Variants in CYRIB observed in about 807,000 individuals in gnomAD.
CYRIB encodes the protein CYFIP-related Rac1 interactor B.
A neutral mutation model predicts 44.2 loss-of-function variants in CYRIB; 8 were observed. The ratio of observed to expected loss-of-function variants is 0.18; its 90% CI spans 0.11 to 0.33. The LOEUF (loss-of-function observed/expected upper bound fraction) is 0.33, where lower values mean the gene tolerates loss of function less well. Among genes scored for constraint, CYRIB ranks in the 10% least tolerant of loss-of-function variants. The pLI is 1.00. For synonymous variants in CYRIB, 131 were observed against 127.2 expected, an observed-to-expected ratio of 1.03 and a Z score of -0.20; for missense variants, 185 against 382.8, an observed-to-expected ratio of 0.48 and a Z score of 4.31.
chr8:129,957,210 C>G (rs773113281), intron 2 of CYRIB, among the ~76,000 whole-genome samples: 39 of 152,148 alleles, frequency 2.6e-4, no homozygotes, highest in Non-Finnish European at 4.9e-4. Context: ...CTATTTTCTT[C>G]TACTTCATAC....
chr8:129,994,175 C>G (rs1238310935), intron 1 of CYRIB, among the ~76,000 whole-genome samples: 2 of 152,174 alleles, frequency 1.3e-5, no homozygotes, highest in East Asian at 1.9e-4. Context: ...CGTGAAGACA[C>G]ACACACACAG....
chr8:130,016,654 C>A (rs2097355496), upstream of CYRIB: 1 of 149,058 alleles, frequency 6.7e-6, no homozygotes, highest in African/African-American at 2.4e-5. Context: ...AGGACGCTCG[C>A]CTCGCGACGC....
chr8:129,970,587 A>G (rs2095654573), intron 2 of CYRIB: 2 of 152,104 alleles, frequency 1.3e-5, no homozygotes, highest in Admixed American at 1.3e-4. Context: ...GGATTTCACC[A>G]TGTTGGCCAG....
At chr8:129,990,809 C>T (rs114283538) in intron 1 of CYRIB, among the ~76,000 whole-genome samples, 1,969 of 152,160 alleles carry the variant, frequency 0.013, 49 homozygotes, top group African/African-American at 0.045. Flanking sequence ...GAGTTGCAAG[C>T]CACTGTGCCC....
chr8:129,981,756 A>G (rs1190484900), intron 1 of CYRIB, among the ~76,000 whole-genome samples: 3 of 152,206 alleles, frequency 2.0e-5, no homozygotes, highest in Admixed American at 6.5e-5. Flanking sequence ...ACCAGGACCA[A>G]GCTTCCTGAC....
At chr8:129,917,979 A>G (rs2081586232) in intron 1 of CYRIB, among the ~76,000 whole-genome samples, 1 of 152,244 alleles carries the variant, frequency 6.6e-6, no homozygotes, top group Non-Finnish European at 1.5e-5. Context: ...CAGTGATTTA[A>G]TAACAAAAAA....
intron 2 of CYRIB, among the ~76,000 whole-genome samples, chr8:129,955,273 G>GT (rs1395179019): frequency 1.5e-5 from 2 of 132,916 alleles, no homozygotes; most frequent in African/African-American, 5.5e-5. Context: ...AAAAAAAAAA[G>GT]TATGTGCTGC....
chr8:129,928,217 T>C (rs1409446677), intron 1 of CYRIB, among the ~76,000 whole-genome samples: 1 of 150,932 alleles, frequency 6.6e-6, no homozygotes, highest in South Asian at 2.1e-4. Context: ...CACACGTCTG[T>C]AGCATCAGTT....
At chr8:129,910,482 T>A (rs1369017965) in intron 1 of CYRIB, among the ~76,000 whole-genome samples, 1 of 122,322 alleles carries the variant, frequency 8.2e-6, no homozygotes, top group African/African-American at 3.4e-5. Context: ...TTTCACTTTT[T>A]TTTTTTTTTT....
At chr8:129,944,570 T>C (rs555255494), upstream of CYRIB, among the ~76,000 whole-genome samples, 36 of 152,010 alleles carry the variant, frequency 2.4e-4, no homozygotes, top group African/African-American at 8.4e-4. Flanking sequence ...ATCACTTGAG[T>C]CCAGGAGTTC....
rs568343586 is a variant in CYRIB, at chr8:130,011,237, G to A, written c.-296+5133C>T. ...CCAGGAAGCTTTCAAGAACGCTGAG[G>A]CGGCCAGGCGTAATGGCTCATGCCT... On this transcript the variant is annotated intron_variant, in intron 1 of 14. Coordinates refer to the CYRIB transcript ENST00000401979. Among the ~76,000 whole-genome samples the A allele has an allele frequency of 2.0e-5, 3 of 152,234 alleles. No individual in the cohort carries two copies. The South Asian group carries it at 6.2e-4, about 32-fold the overall frequency.
Position 129,995,255 on chromosome 8 carries a change from G to A in CYRIB, c.-296+21115C>T, listed in dbSNP as rs551118393. Among the ~76,000 whole-genome samples the A allele has an allele frequency of 7.7e-4, 118 of 152,292 alleles. 1 individual carries two copies. The highest frequency in any genetic ancestry group is 1.5e-3 in the Non-Finnish European group (100 of 68,028). On this transcript the variant is annotated intron_variant, in intron 1 of 14. Coordinates refer to the CYRIB transcript ENST00000401979. ...AATGGACTCAGGCTCCCAGGGTGGC[G>A]GAAGTGAGGGAGAGGCCTCTGCATG...
chr8:129,883,673 AG>A (rs1564596259), intron 2 of CYRIB, among the ~76,000 whole-genome samples: 1 of 152,230 alleles, frequency 6.6e-6, no homozygotes. Flanking sequence ...CTAATATAAC[AG>A]TGGTTAATCA....
chr8:129,893,765 C>A (rs2066542996), intron 2 of CYRIB, among the ~76,000 whole-genome samples: 1 of 151,656 alleles, frequency 6.6e-6, no homozygotes, highest in Non-Finnish European at 1.5e-5. Context: ...GAACTCCTGG[C>A]CTCAACCGAT....
At chr8:129,945,119 C>G (rs1413757323) in intron 2 of CYRIB, among the ~76,000 whole-genome samples, 2 of 152,162 alleles carry the variant, frequency 1.3e-5, no homozygotes, top group East Asian at 1.9e-4. Context: ...TGGGAGGGGC[C>G]TGGGCAACCG....
chr8:129,874,722 C>T (rs1022629477), intron 3 of CYRIB, among the ~76,000 whole-genome samples: 3 of 152,002 alleles, frequency 2.0e-5, no homozygotes, highest in Non-Finnish European at 4.4e-5. Flanking sequence ...AACTATGATC[C>T]TATATCATTT....
chr8:129,980,290 T>C (rs2096169516), intron 1 of CYRIB, among the ~76,000 whole-genome samples: 1 of 151,630 alleles, frequency 6.6e-6, no homozygotes, highest in Non-Finnish European at 1.5e-5. Flanking sequence ...CAGCTCTATG[T>C]CCAAGTGACA....
intron 4 of CYRIB, among the ~76,000 whole-genome samples, chr8:129,865,321 ATT>A (rs1309638060): frequency 9.9e-5 from 15 of 152,218 alleles, no homozygotes; most frequent in Admixed American, 8.5e-4. Context: ...GGTGCATGTG[ATT>A]AATCTTACAG....
At chr8:130,003,803 C>T (rs897647983) in intron 1 of CYRIB, among the ~76,000 whole-genome samples, 2 of 152,160 alleles carry the variant, frequency 1.3e-5, no homozygotes, top group African/African-American at 2.4e-5. Flanking sequence ...GGTCATACCT[C>T]GTTTATTCCT....
Sources: gnomAD v4.1 joint callset for allele counts (sites outside exome capture counted in the v4.1 genomes callset) on GRCh38, gnomAD v4.1.1 for gene constraint, MANE v1.5 for transcripts, NCBI Gene and HGNC (gene_info 2026-07-23, HGNC 2026-07-21) for gene names.